The following ZNF592 variants were observed in gnomAD, a reference collection of about 807,000 sequenced individuals.
The protein encoded by ZNF592 is spinocerebellar ataxia, autosomal recessive 5.
ZNF592 carries 11 observed loss-of-function variants against 80.3 expected under a neutral mutation model. The ratio of observed to expected loss-of-function variants is 0.14; its 90% CI spans 0.09 to 0.23. The LOEUF (loss-of-function observed/expected upper bound fraction) is 0.23, where lower values mean the gene tolerates loss of function less well. Ranked by LOEUF, ZNF592 falls within the 10% of genes least tolerant of loss-of-function variation. The pLI, the probability that ZNF592 is intolerant of heterozygous loss-of-function variation, is 1.00. For synonymous variants in ZNF592, 646 were observed against 640.3 expected (o/e 1.01, Z -0.13); for missense variants, 1,420 against 1,633.9 (o/e 0.87, Z 2.26).
chr15:84,779,311 T>C (rs1401341112), intron 3 of ZNF592, among the ~76,000 whole-genome samples: 1 of 152,192 alleles, frequency 6.6e-6, no homozygotes, highest in Admixed American at 6.5e-5. Context: ...TTGATTAATT[T>C]CTATTTAAAA....
At chr15:84,763,714 A>C (rs1201954239) in intron 1 of ZNF592, among the ~76,000 whole-genome samples, 1 of 152,202 alleles carries the variant, frequency 6.6e-6, no homozygotes, top group Non-Finnish European at 1.5e-5. Flanking sequence ...ATCCAAACTA[A>C]ATGTTGGTCT....
At chr15:84,748,697 G>A (rs1386543698) in intron 1 of ZNF592, 33 bp downstream of exon 1, 1 of 148,064 alleles carries the variant, frequency 6.8e-6, no homozygotes, top group Non-Finnish European at 1.5e-5. Flanking sequence ...GCCGAGCGGG[G>A]CCTGCGGGCC....
At chr15:84,767,237 G>A (rs992730043) in intron 2 of ZNF592, among the ~76,000 whole-genome samples, 6 of 152,006 alleles carry the variant, frequency 3.9e-5, no homozygotes, top group Non-Finnish European at 8.8e-5. Context: ...ATGTTGCCTG[G>A]GTGGTCTCGA....
At chr15:84,789,009 G>A (rs1366922828) in intron 4 of ZNF592, among the ~76,000 whole-genome samples, 4 of 150,768 alleles carry the variant, frequency 2.7e-5, no homozygotes, top group African/African-American at 7.3e-5. Flanking sequence ...TCACGAGTTC[G>A]AGACCAGCCT....
chr15:84,775,924 C>A (rs1273071669), intron 2 of ZNF592, among the ~76,000 whole-genome samples: 1 of 152,190 alleles, frequency 6.6e-6, no homozygotes, highest in Non-Finnish European at 1.5e-5. Flanking sequence ...AAAAATATTT[C>A]CAGATATTCC....
intron 10 of ZNF592, among the ~76,000 whole-genome samples, chr15:84,801,548 A>G (rs1386980301): frequency 2.0e-5 from 3 of 152,152 alleles, no homozygotes; most frequent in African/African-American, 4.8e-5. Flanking sequence ...TGTAAAAGAC[A>G]ATAGTTTTGT....
chr15:84,759,051 C>T (rs1390416134), intron 1 of ZNF592, among the ~76,000 whole-genome samples: 3 of 152,184 alleles, frequency 2.0e-5, no homozygotes, highest in Non-Finnish European at 4.4e-5. Flanking sequence ...ATGCCCTTTG[C>T]CTTGCTAAAG....
intron 3 of ZNF592, among the ~76,000 whole-genome samples, chr15:84,780,055 C>T (rs528150399): frequency 2.8e-5 from 4 of 144,892 alleles, no homozygotes; most frequent in East Asian, 2.1e-4. Flanking sequence ...GGCAAGATCT[C>T]GACTCACTGC....
intron 1 of ZNF592, among the ~76,000 whole-genome samples, chr15:84,758,208 T>C (rs1013090251): frequency 3.4e-5 from 5 of 146,798 alleles, no homozygotes; most frequent in African/African-American, 1.3e-4. Flanking sequence ...CTTCTGACCT[T>C]GTGATCCACC....
At position 84,784,138 on chromosome 15, in the gene ZNF592, T is replaced by G. The variant is rs1179079882; in HGVS notation, c.1463T>G (p.Leu488Arg). ...GGCAAGAAGCAACAGAGCACAGCAC[T>G]GCAGGCATCCACCCTGGCCCCTGCC... ...QTGKKQQSTA[L>R]QASTLAPANL... The change falls in exon 4 of 11, where the codon CTG becomes CGG. Residue 488 changes from leucine (L) to arginine (R), a missense_variant. Around this residue, in one of 7 missense-constraint regions of ZNF592, gnomAD observed 524 missense variants for 628.3 expected, o/e 0.83. Transcript: ENST00000560079. This position sits in a 1 kb window ranked among gnomAD's most constrained non-coding sequence, Gnocchi z 5.8. 6.2e-7 allele frequency: 1 copy of G among 1,614,164 alleles called. No homozygotes were observed. The highest frequency in any genetic ancestry group is 1.7e-5 in the Admixed American group (1 of 60,032).
At chr15:84,770,046 A>G (rs770470089) in intron 2 of ZNF592, among the ~76,000 whole-genome samples, 3 of 152,232 alleles carry the variant, frequency 2.0e-5, no homozygotes, top group Non-Finnish European at 4.4e-5. Flanking sequence ...GTGGGAACAC[A>G]GGAGAGAGAT....
At chr15:84,790,908 C>T in intron 5 of ZNF592, 25 bp downstream of exon 5, 1 of 1,614,088 alleles carries the variant, frequency 6.2e-7, no homozygotes, top group Non-Finnish European at 8.5e-7. Flanking sequence ...GCTTGCTGTC[C>T]TGGTATTGCC....
rs928493000 is a variant in ZNF592, at chr15:84,784,574, C to T, written c.1899C>T (p.Leu633=). The T allele has an allele frequency of 6.2e-7, 1 of 1,614,214 alleles. No individual in the cohort carries two copies. Among genetic ancestry groups the T allele is most frequent in the South Asian group, 1.1e-5 (1 of 91,080 alleles). The change falls in exon 4 of 11, where the codon CTC becomes CTT. Residue 633 remains leucine, a synonymous_variant. Transcript: ENST00000560079. This position sits in a 1 kb window ranked among gnomAD's most constrained non-coding sequence, Gnocchi z 5.8. ...TCTTCTTCAACAAGTGCAGCCTGCT[C>T]CGGCACGCCCGTGACCACAAGAGCA... is the stretch of plus-strand genomic sequence containing the variant. ...TLLFFNKCSL[L]RHARDHKSKG... is the part of the protein sequence containing the mutation.
intron 2 of ZNF592, among the ~76,000 whole-genome samples, chr15:84,773,979 T>C (rs1596116575): frequency 1.3e-5 from 2 of 152,210 alleles, no homozygotes; most frequent in African/African-American, 4.8e-5. Flanking sequence ...ATGCCTAGCA[T>C]TTTCTGGGCC....
In ZNF592 at chr15:84,786,900, G is replaced by T. The variant is rs187399768; in HGVS notation, c.2220+2005G>T. On this transcript the variant is annotated intron_variant, in intron 4 of 10. Transcript: ENST00000560079. ...GAGTCTTGCTTTGTTGCCCAGGATG[G>T]AGTGCAGTGGTGCGATCTCGGCCCA... Among the ~76,000 whole-genome samples, 535 of 142,846 alleles carry T rather than the reference G, an allele frequency of 3.7e-3. 2 individuals are homozygous for T. The highest frequency in any genetic ancestry group is 0.013 in the African/African-American group (507 of 37,800). 93.7% of individuals were successfully genotyped at this position (142,846 alleles called of 152,430 possible). A position where few individuals can be genotyped will look rare whatever the true frequency, so the allele number is the denominator to read the frequency against.
rs750890845 is a variant in ZNF592 at position 84,784,374 on chromosome 15, C to T, written c.1699C>T (p.Leu567Phe). 3.7e-6 allele frequency: 6 copies of T among 1,614,102 alleles called. No individual in the cohort carries two copies. Among genetic ancestry groups the T allele is most frequent in the Non-Finnish European group, 5.1e-6 (6 of 1,180,054 alleles). ...KVLHSSNPVP[L>F]YAPNLSPPAD... ...CCTTCACAGCTCCAACCCCGTGCCC[C>T]TCTATGCGCCAAATCTCAGCCCGCC... Residue 567 changes from leucine (L) to phenylalanine (F), a missense_variant, in exon 4 of 11, where the codon CTC becomes TTC. By Grantham distance (22) the Leu-to-Phe change is conservative. Coordinates refer to ENST00000560079, the MANE Select transcript of ZNF592 (RefSeq NM_014630.3). The surrounding 1 kb of genome is among the most constrained non-coding windows in gnomAD (Gnocchi z 5.8).
At chr15:84,758,220 G>T (rs983028378) in intron 1 of ZNF592, among the ~76,000 whole-genome samples, 3 of 149,176 alleles carry the variant, frequency 2.0e-5, no homozygotes, top group South Asian at 2.1e-4. Context: ...TGATCCACCC[G>T]CCTCGGCCTC....
In ZNF592 at chr15:84,804,987, C is replaced by T. The variant is rs752778174; in HGVS notation, c.*2594C>T. 1 of 152,160 alleles carries T rather than the reference C, an allele frequency of 6.6e-6. No individual in the cohort carries two copies. Among genetic ancestry groups the T allele is most frequent in the Non-Finnish European group, 1.5e-5 (1 of 68,028 alleles). 9.4% of individuals were successfully genotyped at this position (152,160 alleles called of 1,614,324 possible). A position where few individuals can be genotyped will look rare whatever the true frequency, so the allele number is the denominator to read the frequency against. On this transcript the variant is annotated 3_prime_UTR_variant, in exon 11 of 11. Transcript: ENST00000560079. ...ATGGTGCTGAGTCAAGCCTGTCAAC[C>T]ACTGTGCTCGTTAGTGACCAAGGCT... is the stretch of plus-strand genomic sequence containing the variant.
intron 2 of ZNF592, among the ~76,000 whole-genome samples, chr15:84,776,936 C>T (rs1962270484): frequency 6.6e-6 from 1 of 151,994 alleles, no homozygotes; most frequent in South Asian, 2.1e-4. Context: ...CCTATAATCC[C>T]AGCTACTCGG....
Sources: gnomAD v4.1 joint callset for allele counts (sites outside exome capture counted in the v4.1 genomes callset) on GRCh38, gnomAD v4.1.1 for gene constraint, gnomAD v4.1.1 regional missense constraint, Gnocchi (gnomAD v3.1) non-coding constraint, MANE v1.5 for transcripts, NCBI Gene and HGNC (gene_info 2026-07-23, HGNC 2026-07-21) for gene names.